The following DAB1 variants were observed in gnomAD, a reference collection of about 807,000 sequenced individuals.
The protein encoded by DAB1 is DAB adaptor protein 1.
In DAB1, 15 loss-of-function variants were observed where a neutral mutation model predicts 64.6. That is an observed-to-expected ratio of 0.23 (90% CI 0.16 to 0.36). DAB1 has a LOEUF of 0.36. Among genes scored for constraint, DAB1 ranks in the 10% least tolerant of loss-of-function variants. DAB1 has a pLI of 1.00. For synonymous variants in DAB1, 235 were observed against 251.9 expected (o/e 0.93, Z 0.64); for missense variants, 596 against 706.7 (o/e 0.84, Z 1.78).
chr1:58,533,950 T>C, intron 1 of DAB1: 1 of 872,144 alleles, frequency 1.1e-6, no homozygotes, highest in Middle Eastern at 2.2e-4. Flanking sequence ...TTTAGGTACT[T>C]ACAGCATGCC....
chr1:57,289,996 C>A (rs1305023599), intron 2 of DAB1, among the ~76,000 whole-genome samples: 2 of 152,324 alleles, frequency 1.3e-5, no homozygotes, highest in East Asian at 3.9e-4. Context: ...ACTATGCCTG[C>A]AAATCTTCAT....
rs1449070803 is a variant in DAB1 at position 58,048,709 on chromosome 1, C to A, written n.387+101802G>T. On this transcript the variant is annotated intron_variant and non_coding_transcript_variant, in intron 5 of 20. Transcript: ENST00000485760. ...CACCAAAGTTTCCAGAACCACTTCACCTCTTTGGCTGGATGAAACACTAGC... is the reference window on the plus strand; with the variant it reads ...CACCAAAGTTTCCAGAACCACTTCAACTCTTTGGCTGGATGAAACACTAGC... The A allele has an allele frequency of 2.3e-6, 3 of 1,322,962 alleles. No individual in the cohort carries two copies. In the African/African-American group the frequency reaches 4.3e-5, roughly 19 times the overall value. The allele number at this position is 1,322,962 out of a possible 1,614,324, so 82.0% of individuals were successfully genotyped here.
At chr1:58,013,696 T>C (rs1387393484) in intron 5 of DAB1, among the ~76,000 whole-genome samples, 1 of 152,110 alleles carries the variant, frequency 6.6e-6, no homozygotes, top group Non-Finnish European at 1.5e-5. Context: ...TTGAATAATA[T>C]GAATAATAAC....
At chr1:58,009,912 T>C (rs1314893531) in intron 5 of DAB1, among the ~76,000 whole-genome samples, 3 of 152,204 alleles carry the variant, frequency 2.0e-5, no homozygotes, top group Non-Finnish European at 4.4e-5. Flanking sequence ...CCAGGTATTG[T>C]ATTAAATGCT....
intron 6 of DAB1, among the ~76,000 whole-genome samples, chr1:57,796,564 ATAATC>A (rs1353092370): frequency 7.5e-5 from 10 of 132,770 alleles, no homozygotes; most frequent in African/African-American, 4.2e-4. Flanking sequence ...AATAATAATC[ATAATC>A]ATAATCCATT....
intron 5 of DAB1, among the ~76,000 whole-genome samples, chr1:57,948,689 G>C (rs1001928402): frequency 7.9e-5 from 12 of 152,332 alleles, no homozygotes; most frequent in Admixed American, 2.0e-4. Flanking sequence ...ATTCAGTTCT[G>C]AATCTTCCTC....
At chr1:57,831,426 A>G (rs1458213448) in intron 1 of DAB1, among the ~76,000 whole-genome samples, 1 of 152,154 alleles carries the variant, frequency 6.6e-6, no homozygotes, top group Non-Finnish European at 1.5e-5. Flanking sequence ...TGAGTCCTTC[A>G]AGTGAATTAC....
At chr1:57,750,825 A>G (rs765932734) in intron 6 of DAB1, among the ~76,000 whole-genome samples, 7 of 152,158 alleles carry the variant, frequency 4.6e-5, no homozygotes, top group Non-Finnish European at 1.0e-4. Flanking sequence ...TTGTATCTGT[A>G]CCGCCTGACA....
chr1:58,523,670 A>C (rs1178151380), intron 2 of DAB1, among the ~76,000 whole-genome samples: 3 of 152,036 alleles, frequency 2.0e-5, no homozygotes, highest in East Asian at 1.9e-4. Flanking sequence ...GAGGCCAAGG[A>C]GGGCGGATCA....
At chr1:57,705,272 T>A (rs990083767) in intron 6 of DAB1, among the ~76,000 whole-genome samples, 2 of 152,102 alleles carry the variant, frequency 1.3e-5, no homozygotes, top group African/African-American at 4.8e-5. Flanking sequence ...TCACCTGGTA[T>A]ATATTTTTCC....
At chr1:57,193,381 GTTTTT>G (rs999329119) in intron 2 of DAB1, among the ~76,000 whole-genome samples, 4 of 83,060 alleles carry the variant, frequency 4.8e-5, no homozygotes, top group East Asian at 3.8e-4. Flanking sequence ...CGTAGCATAT[GTTTTT>G]TTTTTTTTTT....
intron 5 of DAB1, among the ~76,000 whole-genome samples, chr1:58,121,774 C>A (rs544142933): frequency 2.0e-5 from 3 of 152,226 alleles, no homozygotes; most frequent in South Asian, 2.1e-4. Flanking sequence ...CTCTAAGATA[C>A]CAAGCATGGA....
chr1:58,146,707 C>A (rs1654613861), intron 5 of DAB1, among the ~76,000 whole-genome samples: 1 of 145,282 alleles, frequency 6.9e-6, no homozygotes, highest in African/African-American at 2.6e-5. Context: ...GAATAGTATT[C>A]CATTTATAAT....
upstream of DAB1, among the ~76,000 whole-genome samples, chr1:57,425,786 G>A (rs763521694): frequency 1.6e-4 from 24 of 152,126 alleles, no homozygotes; most frequent in Admixed American, 1.5e-3. Flanking sequence ...GATAATCTAC[G>A]AGTGGGGAGC....
intron 4 of DAB1, among the ~76,000 whole-genome samples, chr1:58,312,682 C>T (rs1467765041): frequency 6.6e-6 from 1 of 152,128 alleles, no homozygotes; most frequent in Non-Finnish European, 1.5e-5. Context: ...GGGACAAGCT[C>T]AGTATGTGGA....
At chr1:57,366,729 C>T (rs1169072415) in intron 1 of DAB1, among the ~76,000 whole-genome samples, 2 of 152,056 alleles carry the variant, frequency 1.3e-5, no homozygotes, top group Non-Finnish European at 1.5e-5. Context: ...TTATTCTGAC[C>T]TTAAAGATAA....
intron 5 of DAB1, among the ~76,000 whole-genome samples, chr1:57,978,163 C>A (rs1423336250): frequency 6.6e-6 from 1 of 152,150 alleles, no homozygotes; most frequent in Admixed American, 6.6e-5. Flanking sequence ...TGACTTCAAA[C>A]TACACTACAA....
chr1:58,286,524 C>A (rs1661687006), intron 4 of DAB1, among the ~76,000 whole-genome samples: 3 of 152,146 alleles, frequency 2.0e-5, no homozygotes, highest in Admixed American at 2.0e-4. Flanking sequence ...ACAGACACTT[C>A]TCAAAAGAAG....
intron 6 of DAB1, among the ~76,000 whole-genome samples, chr1:57,651,800 A>G (rs1474937599): frequency 5.9e-5 from 9 of 152,218 alleles, no homozygotes; most frequent in Admixed American, 5.9e-4. Context: ...TAAGCAATAT[A>G]CAAATATTTT....
Sources: allele counts gnomAD v4.1 joint callset (sites outside exome capture counted in the v4.1 genomes callset), GRCh38; gene constraint gnomAD v4.1.1; transcripts MANE v1.5; gene names NCBI Gene and HGNC (gene_info 2026-07-23, HGNC 2026-07-21).